GNAI1: variants seen among roughly 807,000 people sequenced by gnomAD.
The protein encoded by GNAI1 is G protein subunit alpha i1.
In GNAI1, 11 loss-of-function variants were observed where a neutral mutation model predicts 38.9. That is an observed-to-expected ratio of 0.28 (90% CI 0.18 to 0.47). GNAI1 has a LOEUF of 0.47. Among genes scored for constraint, GNAI1 ranks in the 20% least tolerant of loss-of-function variants. The pLI is 0.99. For missense variants in GNAI1, 317 were observed against 436.9 expected (o/e 0.73, Z 2.45); for synonymous variants, 166 against 145.1 (o/e 1.14, Z -1.04).
chr7:80,164,837 T>C (rs1787985848), intron 1 of GNAI1, among the ~76,000 whole-genome samples: 1 of 151,544 alleles, frequency 6.6e-6, no homozygotes, highest in African/African-American at 2.5e-5. Flanking sequence ...AATGATGATT[T>C]AATAATAGCT....
chr7:80,216,836 A>G (rs1788976929), intron 7 of GNAI1, among the ~76,000 whole-genome samples: 1 of 152,174 alleles, frequency 6.6e-6, no homozygotes, highest in African/African-American at 2.4e-5. Context: ...ATTTTTGAAT[A>G]AAGAAAAATG....
At chr7:80,168,663 G>T (rs543323845) in intron 1 of GNAI1, among the ~76,000 whole-genome samples, 14 of 152,256 alleles carry the variant, frequency 9.2e-5, no homozygotes, top group Non-Finnish European at 2.9e-5. Context: ...GATTACAGGC[G>T]TGAGCCACCG....
intron 1 of GNAI1, among the ~76,000 whole-genome samples, chr7:80,163,220 G>T (rs1195651590): frequency 6.6e-6 from 1 of 152,036 alleles, no homozygotes; most frequent in Non-Finnish European, 1.5e-5. Flanking sequence ...TATCCCCCAG[G>T]ACCCCTCAAT....
chr7:80,153,469 T>A (rs182246841), intron 1 of GNAI1, among the ~76,000 whole-genome samples: 103 of 152,326 alleles, frequency 6.8e-4, no homozygotes, highest in African/African-American at 2.4e-3. Context: ...TGGAATAATG[T>A]CAGAGGTATT....
chr7:80,203,297 A>G (rs1788719648), intron 4 of GNAI1, among the ~76,000 whole-genome samples: 1 of 152,208 alleles, frequency 6.6e-6, no homozygotes, highest in African/African-American at 2.4e-5. Context: ...AAGACTTTAA[A>G]AATCTTCAGT....
intron 7 of GNAI1, 90 bp from the exon 8 acceptor site, chr7:80,217,213 T>G (rs569755744): frequency 6.1e-6 from 5 of 816,152 alleles, no homozygotes; most frequent in East Asian, 5.3e-5. Flanking sequence ...TGAAACTGAC[T>G]TCAGTTTCAT....
At chr7:80,154,106 A>G (rs1787775067) in intron 1 of GNAI1, among the ~76,000 whole-genome samples, 1 of 152,014 alleles carries the variant, frequency 6.6e-6, no homozygotes, top group Non-Finnish European at 1.5e-5. Context: ...TATTTTTTGT[A>G]GAGATGAGGT....
chr7:80,210,032 C>A (rs891448211), intron 5 of GNAI1, among the ~76,000 whole-genome samples: 20 of 152,192 alleles, frequency 1.3e-4, no homozygotes, highest in South Asian at 2.1e-4. Context: ...AGGGAAAATT[C>A]TTTTTGCCTG....
At chr7:80,189,695 A>C (rs756710681) in intron 3 of GNAI1, among the ~76,000 whole-genome samples, 6 of 152,220 alleles carry the variant, frequency 3.9e-5, no homozygotes, top group Non-Finnish European at 8.8e-5. Flanking sequence ...TTGGAATAGG[A>C]AAATATCGGC....
Position 80,174,131 on chromosome 7 carries a change from A to G in GNAI1, c.119-14820A>G, listed in dbSNP as rs1337414231. 2.6e-5 allele frequency among the ~76,000 whole-genome samples: 4 copies of G among 152,294 alleles called. No individual in the cohort carries two copies. In the East Asian group the frequency reaches 5.8e-4, roughly 22 times the overall value. On this transcript the variant is annotated intron_variant, in intron 1 of 7. Transcript: ENST00000649796. Reference sequence around the variant, plus strand: ...GGGAAGATGGGTAGATGCAAAGGAAATTAAAGATGATTTTATTCAACTTAA... The same window carrying G: ...GGGAAGATGGGTAGATGCAAAGGAAGTTAAAGATGATTTTATTCAACTTAA...
intron 1 of GNAI1, among the ~76,000 whole-genome samples, chr7:80,177,797 A>G (rs1788215785): frequency 6.6e-6 from 1 of 152,210 alleles, no homozygotes; most frequent in Non-Finnish European, 1.5e-5. Context: ...ACGCCTTCTA[A>G]CACAGTATTT....
In GNAI1 at chr7:80,155,669, T is replaced by A. The variant is rs1280173455; in HGVS notation, c.118+20391T>A. 2.6e-5 allele frequency among the ~76,000 whole-genome samples: 4 copies of A among 152,168 alleles called. No individual in the cohort carries two copies. The East Asian group carries it at 5.8e-4, about 22-fold the overall frequency. On this transcript the variant is annotated intron_variant, in intron 1 of 7. Coordinates refer to ENST00000649796, the MANE Select transcript of GNAI1 (RefSeq NM_002069.6). ...AGTGATTATAATTGAAGTTTTGAAA[T>A]TTTAAGTAGCAATGGCATTCCAGGA...
intron 3 of GNAI1, among the ~76,000 whole-genome samples, chr7:80,193,179 T>G (rs1788511844): frequency 6.6e-6 from 1 of 152,144 alleles, no homozygotes. Context: ...TGGTTTTCTC[T>G]GCCAGATGAA....
intron 1 of GNAI1, among the ~76,000 whole-genome samples, chr7:80,136,887 A>G (rs1304253657): frequency 1.3e-5 from 2 of 152,146 alleles, no homozygotes; most frequent in Non-Finnish European, 2.9e-5. Flanking sequence ...GGACTAGAAT[A>G]AAGGTCCCAG....
intron 1 of GNAI1, among the ~76,000 whole-genome samples, chr7:80,159,718 C>T (rs889607157): frequency 6.6e-6 from 1 of 152,074 alleles, no homozygotes; most frequent in Admixed American, 6.6e-5. Context: ...GGTAGATATT[C>T]TTGATTTCAC....
intron 1 of GNAI1, among the ~76,000 whole-genome samples, chr7:80,150,228 A>G (rs1787699923): frequency 1.3e-5 from 2 of 152,204 alleles, no homozygotes; most frequent in Non-Finnish European, 2.9e-5. Flanking sequence ...AAAAATATTT[A>G]CTACAACATT....
chr7:80,164,598 G>A (rs985574537), intron 1 of GNAI1, among the ~76,000 whole-genome samples: 1 of 152,044 alleles, frequency 6.6e-6, no homozygotes, highest in Non-Finnish European at 1.5e-5. Flanking sequence ...TCCTGACCTC[G>A]TGATCTGCCT....
chr7:80,223,484 CAG>C lies in GNAI1; in HGVS notation c.*5994_*5995del, dbSNP rs1789113871. 6.6e-6 allele frequency among the ~76,000 whole-genome samples: 1 copy of C among 152,160 alleles called. No individual in the cohort carries two copies. The highest frequency in any genetic ancestry group is 2.1e-4 in the South Asian group (1 of 4,836). On this transcript the variant is annotated 3_prime_UTR_variant, in exon 8 of 8. Coordinates refer to ENST00000649796, the MANE Select transcript of GNAI1 (RefSeq NM_002069.6). ...TTAATTATGTTCTGTGGAAACTTCACAGAGTTTTAGCTTTGATCCTTCCTTCA... is the reference window on the plus strand; with the variant it reads ...TTAATTATGTTCTGTGGAAACTTCACAGTTTTAGCTTTGATCCTTCCTTCA...
In GNAI1 at chr7:80,135,093, A is replaced by G; in HGVS notation, c.-68A>G. Reference sequence around the variant, plus strand: ...GAACGCCCGCTAGGAGAGAGAAAGGATTCCCCTGTGCTTGGAGCCCGCACT... The same window carrying G: ...GAACGCCCGCTAGGAGAGAGAAAGGGTTCCCCTGTGCTTGGAGCCCGCACT... On this transcript the variant is annotated 5_prime_UTR_variant, in exon 1 of 8. Coordinates refer to ENST00000649796, the MANE Select transcript of GNAI1 (RefSeq NM_002069.6). 2 of 1,075,890 alleles carry G rather than the reference A, an allele frequency of 1.9e-6. No homozygotes were observed. The highest frequency in any genetic ancestry group is 4.4e-5 in the South Asian group (2 of 45,832). 66.6% of individuals were successfully genotyped at this position (1,075,890 alleles called of 1,614,324 possible).
Sources: gnomAD v4.1 joint callset for allele counts (sites outside exome capture counted in the v4.1 genomes callset) on GRCh38, gnomAD v4.1.1 for gene constraint, MANE v1.5 for transcripts, NCBI Gene and HGNC (gene_info 2026-07-23, HGNC 2026-07-21) for gene names.